PCDHGA9: variants seen among roughly 807,000 people sequenced by gnomAD.
The protein encoded by PCDHGA9 is protocadherin gamma subfamily A, 9.
Under a neutral mutation model 62.5 loss-of-function variants are expected in PCDHGA9, and 37 were observed. The ratio of observed to expected loss-of-function variants is 0.59; its 90% CI spans 0.46 to 0.78. PCDHGA9 has a LOEUF of 0.78. Ranked by LOEUF, PCDHGA9 falls within the 30% of genes least tolerant of loss-of-function variation. The pLI is 0.00. For synonymous variants in PCDHGA9, 459 were observed against 484.6 expected (o/e 0.95, Z 0.69); for missense variants, 1,138 against 1,166.2 (o/e 0.98, Z 0.35).
intron 1 of PCDHGA9, among the ~76,000 whole-genome samples, chr5:141,465,839 G>A (rs1166392052): frequency 6.6e-6 from 1 of 151,400 alleles, no homozygotes; most frequent in Non-Finnish European, 1.5e-5. Context: ...AATTTCAACT[G>A]AGGCTGGGCC....
chr5:141,450,903 C>T (rs1468232105), intron 1 of PCDHGA9, among the ~76,000 whole-genome samples: 3 of 151,086 alleles, frequency 2.0e-5, no homozygotes, highest in African/African-American at 7.3e-5. Context: ...CGGCTCACTG[C>T]AACCGCTGCC....
intron 1 of PCDHGA9, among the ~76,000 whole-genome samples, chr5:141,469,600 T>C (rs1276702104): frequency 6.6e-6 from 1 of 151,974 alleles, no homozygotes; most frequent in Non-Finnish European, 1.5e-5. Flanking sequence ...TAAAACAAAA[T>C]AAGTAAAATA....
At chr5:141,423,228 C>G (rs1321708353) in intron 1 of PCDHGA9, 5 of 1,613,866 alleles carry the variant, frequency 3.1e-6, no homozygotes, top group Non-Finnish European at 2.5e-6. Context: ...CTGTGGCCGA[C>G]AGCATCCCCG....
chr5:141,494,546 G>A (rs984336435), intron 1 of PCDHGA9, among the ~76,000 whole-genome samples: 7 of 152,152 alleles, frequency 4.6e-5, no homozygotes, highest in African/African-American at 1.2e-4. Context: ...GGAGGAAGGG[G>A]CCATTTCTTT....
intron 1 of PCDHGA9, chr5:141,421,333 G>A (rs1458277535): frequency 2.5e-6 from 4 of 1,613,850 alleles, no homozygotes; most frequent in Admixed American, 1.7e-5. Flanking sequence ...CCGATATTCG[G>A]TGCCAGAAGA....
At chr5:141,484,392 T>G (rs1454201773) in intron 1 of PCDHGA9, among the ~76,000 whole-genome samples, 1 of 152,162 alleles carries the variant, frequency 6.6e-6, no homozygotes, top group African/African-American at 2.4e-5. Flanking sequence ...TAAGAAAGGT[T>G]TGGTTTCCGC....
At chr5:141,419,916 C>T in intron 1 of PCDHGA9, 1 of 1,614,080 alleles carries the variant, frequency 6.2e-7, no homozygotes, top group Non-Finnish European at 8.5e-7. Context: ...GACTCCCAGG[C>T]TGAGATGCAG....
Position 141,431,431 on chromosome 5 carries a change from C to T in PCDHGA9, c.2424+26055C>T, listed in dbSNP as rs776557037. ...ACGGGGGCGACCCGGTGCGCACAGG[C>T]ACCGCGCGCATCCGCGTGATGGTTC... is the stretch of plus-strand genomic sequence containing the variant. On this transcript the variant is annotated intron_variant, in intron 1 of 3. Transcript: ENST00000573521. This position sits in a 1 kb window ranked among gnomAD's most constrained non-coding sequence, Gnocchi z 4.8. 11 of 1,613,586 alleles carry T rather than the reference C, an allele frequency of 6.8e-6. No individual in the cohort carries two copies. The East Asian group carries it at 1.1e-4, about 16-fold the overall frequency.
In PCDHGA9 at chr5:141,405,021, C is replaced by T. The variant is rs188043964; in HGVS notation, c.2069C>T (p.Thr690Ile). The T allele has an allele frequency of 2.9e-5, 46 of 1,613,980 alleles. No homozygotes were observed. Among genetic ancestry groups the T allele is most frequent in the Non-Finnish European group, 3.7e-5 (44 of 1,179,862 alleles). The change falls in exon 1 of 4, where the codon ACC becomes ATC. Residue 690 changes from threonine to isoleucine, a missense_variant. Coordinates refer to ENST00000573521, the MANE Select transcript of PCDHGA9 (RefSeq NM_018921.3). ...IPADLEASDLTLYLVVAVAVV... is the reference protein window; with the variant it reads ...IPADLEASDLILYLVVAVAVV... ...GCAGACCTGGAGGCCTCAGACCTTA[C>T]CCTCTACCTCGTTGTGGCTGTGGCA...
chr5:141,459,827 A>T (rs779024675), intron 1 of PCDHGA9, among the ~76,000 whole-genome samples: 1 of 152,126 alleles, frequency 6.6e-6, no homozygotes, highest in Non-Finnish European at 1.5e-5. Context: ...GCAACTTTTC[A>T]TGTGTTGTCT....
chr5:141,409,990 C>A (rs377295503), intron 1 of PCDHGA9: 26 of 1,613,278 alleles, frequency 1.6e-5, no homozygotes, highest in Non-Finnish European at 2.2e-5. Flanking sequence ...CGGTGGACGC[C>A]GACTCGGGAC....
chr5:141,473,974 C>G (rs958240236), intron 1 of PCDHGA9, among the ~76,000 whole-genome samples: 33 of 152,054 alleles, frequency 2.2e-4, no homozygotes, highest in Admixed American at 2.2e-3. Context: ...AAGTCTGAGG[C>G]GGGAGGATCC....
At chr5:141,421,794 G>A in intron 1 of PCDHGA9, 1 of 1,613,788 alleles carries the variant, frequency 6.2e-7, no homozygotes, top group Non-Finnish European at 8.5e-7. Flanking sequence ...GAACGGATGG[G>A]GCCAAGAATC....
At chr5:141,453,185 C>T (rs2098757478) in intron 1 of PCDHGA9, among the ~76,000 whole-genome samples, 1 of 152,146 alleles carries the variant, frequency 6.6e-6, no homozygotes, top group South Asian at 2.1e-4. Flanking sequence ...ACAATCACAG[C>T]TCACTGCAGC....
Position 141,404,458 on chromosome 5 carries a change from C to A in PCDHGA9, c.1506C>A (p.Ser502=). The A allele has an allele frequency of 6.2e-7, 1 of 1,612,914 alleles. No homozygotes were observed. The highest frequency in any genetic ancestry group is 2.2e-5 in the East Asian group (1 of 44,886). ...AEDTIQGSPL[S]TYVSINSDTG... is the part of the protein sequence containing the mutation. ...ATACCATCCAAGGGTCTCCTCTCTC[C>A]ACCTATGTCTCTATTAACTCAGACA... Residue 502 remains serine (S), a synonymous_variant, in exon 1 of 4, where the codon TCC becomes TCA. Transcript: ENST00000573521.
intron 1 of PCDHGA9, among the ~76,000 whole-genome samples, chr5:141,463,944 T>C (rs1454454223): frequency 3.3e-5 from 5 of 152,158 alleles, no homozygotes; most frequent in African/African-American, 4.8e-5. Flanking sequence ...TTTATAGAAA[T>C]CTTCATTTTT....
chr5:141,421,050 T>TACCACACAA, intron 1 of PCDHGA9: 1 of 561,278 alleles, frequency 1.8e-6, no homozygotes, highest in Non-Finnish European at 3.1e-6. Flanking sequence ...CCCCCGCCTC[T>TACCACACAA]ACCACACAAA....
intron 1 of PCDHGA9, among the ~76,000 whole-genome samples, chr5:141,444,977 T>A (rs2098452876): frequency 1.3e-5 from 2 of 152,200 alleles, no homozygotes; most frequent in South Asian, 4.1e-4. Flanking sequence ...TTCAAATCCA[T>A]GAACATGGTA....
At position 141,433,275 on chromosome 5, in the gene PCDHGA9, C is replaced by G. The variant is rs1173546273; in HGVS notation, c.2424+27899C>G. 1.5e-5 allele frequency: 19 copies of G among 1,229,998 alleles called. No homozygotes were observed. In the East Asian group the frequency reaches 3.6e-4, roughly 23 times the overall value. The allele number at this position is 1,229,998 out of a possible 1,614,324, so 76.2% of individuals were successfully genotyped here. A position where few individuals can be genotyped will look rare whatever the true frequency, so the allele number is the denominator to read the frequency against. On this transcript the variant is annotated intron_variant, in intron 1 of 3. Transcript: ENST00000573521. ...GCGGTACGATCATAGCTCACTGCAG[C>G]CTCAAACTCCTAGGCTCAAGCAATT...
Sources: gnomAD v4.1 joint callset for allele counts (sites outside exome capture counted in the v4.1 genomes callset) on GRCh38, gnomAD v4.1.1 for gene constraint, Gnocchi (gnomAD v3.1) non-coding constraint, MANE v1.5 for transcripts, NCBI Gene and HGNC (gene_info 2026-07-23, HGNC 2026-07-21) for gene names.